Variants in USP34 observed in about 807,000 individuals in gnomAD.
USP34 encodes ubiquitin specific peptidase 34, also known as ubiquitin carboxyl-terminal hydrolase 34.
USP34 carries 70 observed loss-of-function variants against 460.3 expected under a neutral mutation model. The ratio of observed to expected loss-of-function variants is 0.15; its 90% CI spans 0.13 to 0.19. USP34 has a LOEUF of 0.19. Ranked by LOEUF, USP34 falls within the 10% of genes least tolerant of loss-of-function variation. USP34 has a pLI of 1.00. For missense variants in USP34, 3,985 were observed against 4,236.2 expected (o/e 0.94, Z 1.65); for synonymous variants, 1,647 against 1,405.3 (o/e 1.17, Z -3.85).
At chr2:61,412,297 T>G (rs997477971) in intron 2 of USP34, among the ~76,000 whole-genome samples, 6 of 151,330 alleles carry the variant, frequency 4.0e-5, no homozygotes, top group Middle Eastern at 3.4e-3. Context: ...AAAAAAAGAT[T>G]TTAGCTGTAA....
rs1689590888 is a variant in USP34 at position 61,283,335 on chromosome 2, A to G, written c.4874-66T>C. On this transcript the variant is annotated intron_variant, in intron 36 of 79. Transcript: ENST00000398571. ...TGCTAAAATGAAAACACAATGTTCAATATTAAAGGTAAAATATATCAATAT... is the reference window on the plus strand; with the variant it reads ...TGCTAAAATGAAAACACAATGTTCAGTATTAAAGGTAAAATATATCAATAT... The G allele has an allele frequency of 1.1e-5, 18 of 1,579,558 alleles. No homozygotes were observed. The Admixed American group carries it at 2.7e-4, about 24-fold the overall frequency.
At chr2:61,376,560 A>G (rs1692804747) in intron 8 of USP34, among the ~76,000 whole-genome samples, 1 of 152,216 alleles carries the variant, frequency 6.6e-6, no homozygotes, top group African/African-American at 2.4e-5. Flanking sequence ...GCAATTACAT[A>G]AGGTTCTCTT....
intron 65 of USP34, among the ~76,000 whole-genome samples, chr2:61,222,036 G>T (rs986167310): frequency 6.6e-6 from 1 of 151,962 alleles, no homozygotes; most frequent in African/African-American, 2.4e-5. Context: ...AACTGTAGTC[G>T]CTACATTGCA....
intron 18 of USP34, 79 bp from the exon 19 acceptor site, chr2:61,334,050 T>G (rs1195020188): frequency 1.7e-5 from 17 of 997,040 alleles, no homozygotes; most frequent in Non-Finnish European, 2.4e-5. Context: ...TTTTAAATGC[T>G]AAAAGATTTA....
At chr2:61,408,034 G>C (rs906455584) in intron 2 of USP34, among the ~76,000 whole-genome samples, 1 of 152,176 alleles carries the variant, frequency 6.6e-6, no homozygotes, top group African/African-American at 2.4e-5. Flanking sequence ...AGAATCACTT[G>C]AACCGGGGAA....
At chr2:61,463,233 C>T (rs1276992016) in intron 1 of USP34, among the ~76,000 whole-genome samples, 1 of 151,610 alleles carries the variant, frequency 6.6e-6, no homozygotes, top group African/African-American at 2.4e-5. Context: ...GAGGCTGAGG[C>T]AGGAGCATCA....
At chr2:61,285,937 A>G (rs963575359) in intron 34 of USP34, among the ~76,000 whole-genome samples, 1 of 152,172 alleles carries the variant, frequency 6.6e-6, no homozygotes, top group Admixed American at 6.5e-5. Flanking sequence ...GCAGGTTGGA[A>G]GGCATTCTGT....
At chr2:61,424,616 C>T (rs1372145446) in intron 1 of USP34, among the ~76,000 whole-genome samples, 1 of 152,184 alleles carries the variant, frequency 6.6e-6, no homozygotes, top group Non-Finnish European at 1.5e-5. Context: ...TCGCTCATGT[C>T]TGTAATCCCA....
At chr2:61,257,703 C>G (rs1260078250) in intron 44 of USP34, among the ~76,000 whole-genome samples, 1 of 151,772 alleles carries the variant, frequency 6.6e-6, no homozygotes, top group African/African-American at 2.4e-5. Context: ...TTGAGACCAT[C>G]CTGGCCATCC....
chr2:61,407,312 C>A (rs1214368221), intron 2 of USP34, among the ~76,000 whole-genome samples: 3 of 115,450 alleles, frequency 2.6e-5, no homozygotes, highest in Non-Finnish European at 5.9e-5. Flanking sequence ...GAGGCTGAGA[C>A]AGCAGTGAAC....
In USP34 at chr2:61,235,826, T is replaced by C. The variant is rs915557082; in HGVS notation, c.7032+19A>G. 5.4e-5 allele frequency: 87 copies of C among 1,607,454 alleles called. No homozygotes were observed. Among genetic ancestry groups the C allele is most frequent in the Non-Finnish European group, 7.3e-5 (86 of 1,178,110 alleles). ...AAAGAATCTTAAACTATGCATTAGT[T>C]GTTGAATTATCACCTTACCTCACAA... is the stretch of plus-strand genomic sequence containing the variant. On this transcript the variant is annotated intron_variant, in intron 57 of 79. Coordinates refer to ENST00000398571, the MANE Select transcript of USP34 (RefSeq NM_014709.4).
Position 61,228,927 on chromosome 2 carries a change from G to T in USP34, c.7268C>A (p.Thr2423Asn). Residue 2423 changes from threonine (T) to asparagine (N), a missense_variant, in exon 60 of 80, where the codon ACC (threonine) becomes AAC (asparagine). By Grantham distance (65) the Thr-to-Asn change is moderately conservative. Around this residue, in one of 14 missense-constraint regions of USP34, gnomAD observed 604 missense variants for 684.8 expected, o/e 0.88. Transcript: ENST00000398571. ...ACCATGTTCCATAATTAATAACAGGGTTCTCACAAAGCGAGTGACACATGA... is the reference window on the plus strand; with the variant it reads ...ACCATGTTCCATAATTAATAACAGGTTTCTCACAAAGCGAGTGACACATGA... ...GRSCVTRFVR[T>N]LLLIMEHGVK... 1 of 1,610,398 alleles carries T rather than the reference G, an allele frequency of 6.2e-7. No homozygotes were observed. Among genetic ancestry groups the T allele is most frequent in the Non-Finnish European group, 8.5e-7 (1 of 1,178,120 alleles).
In USP34 at chr2:61,343,692, T is replaced by C. The variant is rs574994085; in HGVS notation, c.2500+123A>G. 2.8e-5 allele frequency: 28 copies of C among 1,004,254 alleles called. No individual in the cohort carries two copies. In the South Asian group the frequency reaches 4.8e-4, roughly 17 times the overall value. 62.2% of individuals were successfully genotyped at this position (1,004,254 alleles called of 1,614,324 possible). A position where few individuals can be genotyped will look rare whatever the true frequency, so the allele number is the denominator to read the frequency against. On this transcript the variant is annotated intron_variant, in intron 16 of 79. Coordinates refer to ENST00000398571, the MANE Select transcript of USP34 (RefSeq NM_014709.4). ...GGGGAAAAAAAAAAACTACCATATG[T>C]AAGTTATTTTGACAAAAACATTTAA...
intron 5 of USP34, among the ~76,000 whole-genome samples, chr2:61,384,206 AATAAAT>A (rs1292413597): frequency 3.9e-5 from 6 of 152,230 alleles, no homozygotes; most frequent in Admixed American, 2.6e-4. Context: ...TAAAAGTTAC[AATAAAT>A]ATATTTCCTC....
At chr2:61,313,599 G>A (rs181537098) in intron 25 of USP34, among the ~76,000 whole-genome samples, 3 of 152,132 alleles carry the variant, frequency 2.0e-5, no homozygotes, top group East Asian at 3.9e-4. Flanking sequence ...CACCACATTT[G>A]CTCTTTTTAA....
rs758608115 is a variant in USP34, at chr2:61,188,944, G to A, written c.9999C>T (p.Leu3333=). The A allele has an allele frequency of 1.9e-6, 3 of 1,614,152 alleles. No individual in the cohort carries two copies. The highest frequency in any genetic ancestry group is 2.2e-5 in the South Asian group (2 of 91,076). ...TTCTTTCTTTGGCTTCTTGCTCTTG[G>A]AGTGAGTTTCTCTGTTGCAGACAAG... The part of the protein sequence containing the change: ...CRTCLQQRNS[L]QEQEAKERKT... The change falls in exon 79 of 80, where the codon CTC becomes CTT. Residue 3333 remains leucine (L), a synonymous_variant. Transcript: ENST00000398571.
chr2:61,293,406 G>A, intron 33 of USP34, 58 bp downstream of exon 33: 1 of 1,297,742 alleles, frequency 7.7e-7, no homozygotes, highest in South Asian at 1.3e-5. Context: ...TGATGAAATG[G>A]AAGTATTTCA....
chr2:61,222,035 C>G (rs896850400), intron 65 of USP34, among the ~76,000 whole-genome samples: 1 of 152,080 alleles, frequency 6.6e-6, no homozygotes, highest in African/African-American at 2.4e-5. Flanking sequence ...TAACTGTAGT[C>G]GCTACATTGC....
chr2:61,252,488 CAA>C (rs758282632), intron 48 of USP34, among the ~76,000 whole-genome samples: 4 of 152,116 alleles, frequency 2.6e-5, no homozygotes, highest in Non-Finnish European at 5.9e-5. Context: ...TTTAAACAGA[CAA>C]AAATATACAA....
Sources: gnomAD v4.1 joint callset for allele counts (sites outside exome capture counted in the v4.1 genomes callset) on GRCh38, gnomAD v4.1.1 for gene constraint, gnomAD v4.1.1 regional missense constraint, MANE v1.5 for transcripts, NCBI Gene and HGNC (gene_info 2026-07-23, HGNC 2026-07-21) for gene names.